The following TEK variants were observed in gnomAD, a reference collection of about 807,000 sequenced individuals.
TEK encodes angiopoietin-1 receptor.
TEK carries 43 observed loss-of-function variants against 131.8 expected under a neutral mutation model. The ratio of observed to expected loss-of-function variants is 0.33; its 90% CI spans 0.26 to 0.42. TEK has a LOEUF of 0.42. Among genes scored for constraint, TEK ranks in the 10% least tolerant of loss-of-function variants. The pLI is 1.00. For missense variants in TEK, 1,162 were observed against 1,384.4 expected (o/e 0.84, Z 2.55); for synonymous variants, 580 against 491.6 (o/e 1.18, Z -2.38).
intron 1 of TEK, among the ~76,000 whole-genome samples, chr9:27,144,975 T>C (rs1308759226): frequency 6.6e-6 from 1 of 152,170 alleles, no homozygotes; most frequent in African/African-American, 2.4e-5. Flanking sequence ...TTGCCAGGAA[T>C]AGAATATCGA....
At chr9:27,196,799 T>A (rs1379442586) in intron 11 of TEK, among the ~76,000 whole-genome samples, 1 of 150,268 alleles carries the variant, frequency 6.7e-6, no homozygotes, top group African/African-American at 2.4e-5. Context: ...GTTTCATAAT[T>A]TATTTATTTT....
chr9:27,218,617 G>A (rs1242725307), intron 19 of TEK, among the ~76,000 whole-genome samples, 160 bp from the exon 20 acceptor site: 1 of 152,178 alleles, frequency 6.6e-6, no homozygotes, highest in Non-Finnish European at 1.5e-5. Flanking sequence ...ATTGAGCTAA[G>A]AGGAGAGAAA....
At chr9:27,121,862 C>G (rs548518158) in intron 1 of TEK, among the ~76,000 whole-genome samples, 1 of 152,202 alleles carries the variant, frequency 6.6e-6, no homozygotes, top group South Asian at 2.1e-4. Context: ...GCATGTGTAT[C>G]CAAAGAAATA....
intron 1 of TEK, among the ~76,000 whole-genome samples, chr9:27,143,325 C>T (rs1250313676): frequency 2.6e-5 from 4 of 152,096 alleles, no homozygotes; most frequent in African/African-American, 9.7e-5. Flanking sequence ...GTCCTTCCAC[C>T]CTTGTATGTC....
chr9:27,181,148 A>G (rs1266569052), intron 7 of TEK, among the ~76,000 whole-genome samples: 2 of 152,206 alleles, frequency 1.3e-5, no homozygotes, highest in Non-Finnish European at 2.9e-5. Flanking sequence ...AAATCTACAT[A>G]TAATTTTTGA....
chr9:27,203,582 C>T (rs1159655296), intron 13 of TEK, among the ~76,000 whole-genome samples: 2 of 152,150 alleles, frequency 1.3e-5, no homozygotes, highest in Non-Finnish European at 2.9e-5. Flanking sequence ...AACCCCAACC[C>T]CAGGAAAAGT....
intron 8 of TEK, among the ~76,000 whole-genome samples, chr9:27,184,869 C>G (rs898800076): frequency 1.3e-5 from 2 of 151,954 alleles, no homozygotes; most frequent in Admixed American, 6.6e-5. Flanking sequence ...AAGACCCCAT[C>G]TCTTAAAAAA....
chr9:27,218,130 T>TTTGG (rs9298888), intron 19 of TEK, among the ~76,000 whole-genome samples: 1 of 139,514 alleles, frequency 7.2e-6, no homozygotes, highest in African/African-American at 2.6e-5. Flanking sequence ...GGCCAGACAG[T>TTTGG]GGCGGGGGTC....
chr9:27,160,681 A>T (rs1823514777), intron 2 of TEK, among the ~76,000 whole-genome samples: 1 of 152,228 alleles, frequency 6.6e-6, no homozygotes, highest in South Asian at 2.1e-4. Flanking sequence ...CAGCAAACTC[A>T]TTTTAAGGTC....
At chr9:27,202,174 C>T (rs557866702) in intron 12 of TEK, among the ~76,000 whole-genome samples, 3 of 152,282 alleles carry the variant, frequency 2.0e-5, no homozygotes, top group Admixed American at 6.5e-5. Context: ...GCCCGTGTCC[C>T]TGAATGGAAT....
intron 21 of TEK, among the ~76,000 whole-genome samples, chr9:27,224,091 A>C (rs1232111551): frequency 3.3e-5 from 5 of 152,230 alleles, no homozygotes; most frequent in Non-Finnish European, 7.3e-5. Flanking sequence ...GAAGACCAGT[A>C]ACAAGTTCTG....
chr9:27,172,646 G>A lies in TEK; in HGVS notation c.659G>A (p.Cys220Tyr). 1 of 1,613,760 alleles carries A rather than the reference G, an allele frequency of 6.2e-7. No homozygotes were observed. Among genetic ancestry groups the A allele is most frequent in the Non-Finnish European group, 8.5e-7 (1 of 1,179,714 alleles). ...RCEAQKWGPE[C>Y]NHLCTACMNN... ...GAAGCCCAGAAGTGGGGACCTGAAT[G>A]CAACCATCTCTGTACTGCTTGTATG... The change falls in exon 5 of 23, where the codon TGC becomes TAC. Residue 220 changes from cysteine (C) to tyrosine (Y), a missense_variant. Transcript: ENST00000380036.
At chr9:27,147,636 T>C (rs1822976539) in intron 1 of TEK, among the ~76,000 whole-genome samples, 1 of 152,214 alleles carries the variant, frequency 6.6e-6, no homozygotes, top group African/African-American at 2.4e-5. Flanking sequence ...TGACAGCTAA[T>C]TTTTGGTGTC....
intron 21 of TEK, 66 bp from the exon 22 acceptor site, chr9:27,228,138 CTT>C: frequency 2.2e-6 from 3 of 1,361,942 alleles, no homozygotes; most frequent in Non-Finnish European, 3.1e-6. Context: ...TCTCTCCTCT[CTT>C]TTCCTGCCGT....
At chr9:27,215,502 A>C (rs1295938381) in intron 18 of TEK, among the ~76,000 whole-genome samples, 1 of 151,678 alleles carries the variant, frequency 6.6e-6, no homozygotes, top group Non-Finnish European at 1.5e-5. Flanking sequence ...CAGATGATTG[A>C]GTCCTATCCT....
chr9:27,180,911 A>G lies in TEK; in HGVS notation c.1030+543A>G, dbSNP rs185729551. On this transcript the variant is annotated intron_variant, in intron 7 of 22. Coordinates refer to ENST00000380036, the MANE Select transcript of TEK (RefSeq NM_000459.5). ...ATAGAGATACATTTTTTATATTATA[A>G]TGTTCAACTTTTTAAAATGTAAATT... Among the ~76,000 whole-genome samples the G allele has an allele frequency of 1.9e-3, 287 of 152,314 alleles. 1 individual carries two copies. The highest frequency in any genetic ancestry group is 1.3e-3 in the Non-Finnish European group (87 of 68,028).
At chr9:27,140,223 T>C (rs1488965393) in intron 1 of TEK, among the ~76,000 whole-genome samples, 2 of 149,804 alleles carry the variant, frequency 1.3e-5, no homozygotes, top group African/African-American at 2.5e-5. Context: ...CACTTGCCCT[T>C]TCACTTCATA....
At chr9:27,125,919 CTG>C (rs1471010923) in intron 1 of TEK, among the ~76,000 whole-genome samples, 2 of 152,130 alleles carry the variant, frequency 1.3e-5, no homozygotes, top group Admixed American at 6.6e-5. Flanking sequence ...AGCTTCTACT[CTG>C]TGCCCAACAC....
chr9:27,201,632 A>T (rs1445735104), intron 12 of TEK, among the ~76,000 whole-genome samples: 1 of 152,204 alleles, frequency 6.6e-6, no homozygotes, highest in Non-Finnish European at 1.5e-5. Flanking sequence ...TCCAATACCT[A>T]ATTCTCATAA....
Sources: gnomAD v4.1 joint callset for allele counts (sites outside exome capture counted in the v4.1 genomes callset) on GRCh38, gnomAD v4.1.1 for gene constraint, MANE v1.5 for transcripts, NCBI Gene and HGNC (gene_info 2026-07-23, HGNC 2026-07-21) for gene names.